The following TBC1D8 variants were observed in gnomAD, a reference collection of about 807,000 sequenced individuals.
TBC1D8 encodes the protein TBC1 domain family member 8.
In TBC1D8, 65 loss-of-function variants were observed where a neutral mutation model predicts 118.8. That is an observed-to-expected ratio of 0.55 (90% CI 0.45 to 0.67). The LOEUF is 0.67. Ranked by LOEUF, TBC1D8 falls within the 30% of genes least tolerant of loss-of-function variation. TBC1D8 has a pLI of 0.00. For synonymous variants in TBC1D8, 566 were observed against 595.8 expected (o/e 0.95, Z 0.73); for missense variants, 1,376 against 1,471.2 (o/e 0.94, Z 1.06).
chr2:101,055,339 A>C (rs1682356976), intron 3 of TBC1D8, among the ~76,000 whole-genome samples: 1 of 151,948 alleles, frequency 6.6e-6, no homozygotes, highest in African/African-American at 2.4e-5. Context: ...CAGTGAGCCA[A>C]GATTGTACCA....
At chr2:101,041,740 T>C (rs139004222) in intron 5 of TBC1D8, among the ~76,000 whole-genome samples, 5 of 152,150 alleles carry the variant, frequency 3.3e-5, no homozygotes, top group Non-Finnish European at 7.4e-5. Flanking sequence ...AAAAATTTAA[T>C]GCGGCCAGGC....
chr2:101,115,918 A>G (rs1574057783), intron 1 of TBC1D8, among the ~76,000 whole-genome samples: 1 of 152,268 alleles, frequency 6.6e-6, no homozygotes, highest in South Asian at 2.1e-4. Context: ...ACCAGGAGAA[A>G]TGGGGCAAGT....
intron 15 of TBC1D8, among the ~76,000 whole-genome samples, chr2:101,024,630 C>G (rs1231441032): frequency 6.6e-6 from 1 of 152,126 alleles, no homozygotes; most frequent in Non-Finnish European, 1.5e-5. Flanking sequence ...TGGTCTCAAA[C>G]TCTGGACCTC....
intron 1 of TBC1D8, among the ~76,000 whole-genome samples, chr2:101,107,112 C>T (rs1011905235): frequency 2.6e-5 from 4 of 152,086 alleles, no homozygotes; most frequent in African/African-American, 9.7e-5. Flanking sequence ...GATGGCAGAG[C>T]GTGAGAGCCA....
chr2:101,033,237 C>T (rs1447758055), intron 10 of TBC1D8, among the ~76,000 whole-genome samples: 1 of 152,098 alleles, frequency 6.6e-6, no homozygotes, highest in African/African-American at 2.4e-5. Context: ...CTGCCTCAGC[C>T]TCCTGAGTAG....
At chr2:101,079,576 A>G (rs1316427998) in intron 2 of TBC1D8, among the ~76,000 whole-genome samples, 2 of 141,394 alleles carry the variant, frequency 1.4e-5, no homozygotes, top group African/African-American at 5.3e-5. Context: ...GGGTCTTGCT[A>G]TGCCACCCAA....
intron 5 of TBC1D8, among the ~76,000 whole-genome samples, chr2:101,043,848 G>A (rs1573926243): frequency 6.6e-6 from 1 of 152,142 alleles, no homozygotes; most frequent in Non-Finnish European, 1.5e-5. Flanking sequence ...GCTGAGGCAA[G>A]AGAATCGCTT....
At position 101,034,488 on chromosome 2, in the gene TBC1D8, G is replaced by A. The variant is rs1267193548; in HGVS notation, c.1604-730C>T. On this transcript the variant is annotated intron_variant, in intron 9 of 19. Coordinates refer to ENST00000409318, the MANE Select transcript of TBC1D8 (RefSeq NM_001330348.2). Reference sequence around the variant, plus strand: ...TCAGGTCTGAGATGCACAAACTGCAGCAGAAGTGCCCAGCCCAGAAAACTC... The same window carrying A: ...TCAGGTCTGAGATGCACAAACTGCAACAGAAGTGCCCAGCCCAGAAAACTC... Among the ~76,000 whole-genome samples the A allele has an allele frequency of 2.0e-5, 3 of 152,230 alleles. No individual in the cohort carries two copies. In the East Asian group the frequency reaches 5.8e-4, roughly 29 times the overall value.
At chr2:101,137,811 CACAG>C (rs1313430747) in intron 1 of TBC1D8, among the ~76,000 whole-genome samples, 2 of 152,140 alleles carry the variant, frequency 1.3e-5, no homozygotes, top group East Asian at 3.9e-4. Flanking sequence ...TTTAAGCTGC[CACAG>C]TCTCCTCAAA....
At position 101,054,140 on chromosome 2, in the gene TBC1D8, A is replaced by C. The variant is rs1682236173; in HGVS notation, c.599T>G (p.Leu200Arg). The change falls in exon 4 of 20, where the codon CTC (leucine) becomes CGC (arginine). Residue 200 changes from leucine (L) to arginine (R), a missense_variant. Leu to Arg is a moderately radical substitution (Grantham distance 102, BLOSUM62 -2). Transcript: ENST00000409318. ...GCCCAGGAAGAAGGAGTAGAAGCAG[A>C]GGTGGTTGATGCTGAGGTACAGCCA... ...QGWLYLSINH[L>R]CFYSFFLGKE... 4.3e-6 allele frequency: 7 copies of C among 1,613,266 alleles called. No homozygotes were observed. The East Asian group carries it at 1.6e-4, about 36-fold the overall frequency.
intron 1 of TBC1D8, among the ~76,000 whole-genome samples, chr2:101,123,702 C>T (rs1678225887): frequency 6.6e-6 from 1 of 152,124 alleles, no homozygotes; most frequent in South Asian, 2.1e-4. Flanking sequence ...GTCTACCTTA[C>T]AAAAAGAGAG....
At chr2:101,104,703 A>G (rs1018724669) in intron 1 of TBC1D8, among the ~76,000 whole-genome samples, 2 of 152,206 alleles carry the variant, frequency 1.3e-5, no homozygotes, top group Non-Finnish European at 2.9e-5. Context: ...CCTACGTGTA[A>G]AACAGAAAAC....
intron 3 of TBC1D8, among the ~76,000 whole-genome samples, chr2:101,055,158 G>A (rs972965313): frequency 2.0e-5 from 3 of 151,808 alleles, no homozygotes; most frequent in Admixed American, 1.3e-4. Flanking sequence ...GGGAGACGGA[G>A]GTGGGCAGAT....
chr2:101,098,379 C>CA (rs56957208), intron 1 of TBC1D8, among the ~76,000 whole-genome samples: 46,653 of 147,436 alleles, frequency 0.32, 7,260 homozygotes, highest in East Asian at 0.39. Flanking sequence ...AACTCCATCT[C>CA]AAAAAAAAAA....
At position 101,037,585 on chromosome 2, in the gene TBC1D8, C is replaced by A; in HGVS notation, c.1399G>T (p.Ala467Ser). The stretch of plus-strand genomic sequence containing the variant: ...GACTGCTGGAAGGCGGTGACCAGGG[C>A]ATCGGGGTGCATCAGCGGGCTCTTC... The part of the protein sequence containing the change: ...KEKSPLMHPD[A>S]LVTAFQQSGS... The change falls in exon 8 of 20, where the codon GCC becomes TCC. Residue 467 changes from alanine to serine, a missense_variant. Coordinates refer to ENST00000409318, the MANE Select transcript of TBC1D8 (RefSeq NM_001330348.2). 1 of 1,613,356 alleles carries A rather than the reference C, an allele frequency of 6.2e-7. No individual in the cohort carries two copies. The highest frequency in any genetic ancestry group is 8.5e-7 in the Non-Finnish European group (1 of 1,179,892).
At chr2:101,017,980 A>G in intron 17 of TBC1D8, 1 of 1,526,732 alleles carries the variant, frequency 6.5e-7, no homozygotes, top group Non-Finnish European at 8.9e-7. Flanking sequence ...GAGGATTCGA[A>G]CGGTTCCAAT....
In TBC1D8 at chr2:101,051,701, A is replaced by G. The variant is rs112475419; in HGVS notation, c.632-1060T>C. 1.1e-3 allele frequency among the ~76,000 whole-genome samples: 172 copies of G among 150,660 alleles called. 2 individuals carry two copies. The highest frequency in any genetic ancestry group is 4.0e-3 in the African/African-American group (163 of 40,432). On this transcript the variant is annotated intron_variant, in intron 4 of 19. Transcript: ENST00000409318. ...ATACATGCGGCCAACAAGCATATGG[A>G]AAAAAAAAGCTCAACATCACTGATC...
Position 101,061,571 on chromosome 2 carries a change from G to A in TBC1D8, c.284-2032C>T, listed in dbSNP as rs180935310. ...CATCAGAGCTGGGAGGGCCAGCCCA[G>A]GCTTCTCTCTGCCTGAGGTCTCTAT... On this transcript the variant is annotated intron_variant, in intron 2 of 19. Coordinates refer to ENST00000409318, the MANE Select transcript of TBC1D8 (RefSeq NM_001330348.2). Among the ~76,000 whole-genome samples, 157 of 152,292 alleles carry A rather than the reference G, an allele frequency of 1.0e-3. 1 individual carries two copies. Among genetic ancestry groups the A allele is most frequent in the Non-Finnish European group, 1.9e-3 (128 of 68,028 alleles).
In TBC1D8 at chr2:101,033,752, A is replaced by G. The variant is rs1446065139; in HGVS notation, c.1610T>C (p.Val537Ala). The G allele has an allele frequency of 1.2e-6, 2 of 1,611,862 alleles. No individual in the cohort carries two copies. Among genetic ancestry groups the G allele is most frequent in the Middle Eastern group, 1.7e-4 (1 of 6,056 alleles). ...GRLWLLFSDAVTDLASHPGYY... is the reference protein window; with the variant it reads ...GRLWLLFSDAATDLASHPGYY... ...ACCAGGGTGTGAGGCAAGATCCGTC[A>G]CCGCATCTGAGTTTTAAAAGCAATG... The change falls in exon 10 of 20, where the codon GTG becomes GCG. Residue 537 changes from valine (V) to alanine (A), a missense_variant. By Grantham distance (64) the Val-to-Ala change is moderately conservative (BLOSUM62 0). Coordinates refer to ENST00000409318, the MANE Select transcript of TBC1D8 (RefSeq NM_001330348.2).
Sources: gnomAD v4.1 joint callset for allele counts (sites outside exome capture counted in the v4.1 genomes callset) on GRCh38, gnomAD v4.1.1 for gene constraint, MANE v1.5 for transcripts, NCBI Gene and HGNC (gene_info 2026-07-23, HGNC 2026-07-21) for gene names.